PLD4: variants seen among roughly 807,000 people sequenced by gnomAD.
The protein encoded by PLD4 is 5'-3' exonuclease PLD4.
A neutral mutation model predicts 52.3 loss-of-function variants in PLD4; 54 were observed. That is an observed-to-expected ratio of 1.03 (90% CI 0.83 to 1.30). The LOEUF (loss-of-function observed/expected upper bound fraction) is 1.30. PLD4 is among the 50% of genes most tolerant of loss of function. The pLI, the probability that PLD4 is intolerant of heterozygous loss-of-function variation, is 0.00. For missense variants in PLD4, 731 were observed against 671.1 expected (o/e 1.09, Z -0.99); for synonymous variants, 264 against 286.5 (o/e 0.92, Z 0.79).
intron 2 of PLD4, 115 bp from the exon 3 acceptor site, chr14:104,927,558 C>G: frequency 8.3e-7 from 1 of 1,210,214 alleles, no homozygotes; most frequent in Non-Finnish European, 1.1e-6. Flanking sequence ...CCAGTGGCAG[C>G]CCAGGTCCGG....
intron 7 of PLD4, 128 bp downstream of exon 7, chr14:104,931,070 A>AC: frequency 9.4e-7 from 1 of 1,064,682 alleles, no homozygotes; most frequent in Non-Finnish European, 1.4e-6. Flanking sequence ...GGCAGCCAGC[A>AC]CCATGGGTGG....
In PLD4 at chr14:104,932,749, T is replaced by C. The variant is rs1159754708; in HGVS notation, c.1322-16T>C. The C allele has an allele frequency of 8.5e-6, 13 of 1,526,588 alleles. No individual in the cohort carries two copies. Among genetic ancestry groups the C allele is most frequent in the Non-Finnish European group, 1.1e-5 (13 of 1,133,094 alleles). The allele number at this position is 1,526,588 out of a possible 1,614,324, so 94.6% of individuals were successfully genotyped here. On this transcript the variant is annotated splice_polypyrimidine_tract_variant and intron_variant, in intron 10 of 10. Coordinates refer to ENST00000392593, the MANE Select transcript of PLD4 (RefSeq NM_138790.5). The surrounding 1 kb of genome is among the most constrained non-coding windows in gnomAD (Gnocchi z 6.5). ...TGGGAGCCGGCGCCCCAGTGTCTCCTCCATCCTCCCCGCAGGCACCTCCAA... is the reference window on the plus strand; with the variant it reads ...TGGGAGCCGGCGCCCCAGTGTCTCCCCCATCCTCCCCGCAGGCACCTCCAA...
chr14:104,932,408 G>A lies in PLD4; in HGVS notation c.1321+53G>A. On this transcript the variant is annotated intron_variant, in intron 10 of 10. Transcript: ENST00000392593. This position sits in a 1 kb window ranked among gnomAD's most constrained non-coding sequence, Gnocchi z 6.5. ...GGCCCCAGGGTGGCCAGGCACGGGC[G>A]AGGGAGGCACTGGCTTTGTGACCGG... The A allele has an allele frequency of 6.4e-7, 1 of 1,565,922 alleles. No individual in the cohort carries two copies. The highest frequency in any genetic ancestry group is 8.8e-7 in the Non-Finnish European group (1 of 1,139,734).
rs777797197 is a variant in PLD4 at position 104,932,984 on chromosome 14, C to T, written c.*20C>T. The T allele has an allele frequency of 6.5e-6, 10 of 1,538,086 alleles. No homozygotes were observed. In the East Asian group the frequency reaches 7.3e-5, roughly 11 times the overall value. ...GGCTGAGGGGGGCCTCTTTTTCTCT[C>T]GGCGACCCCGCCCCGCACGCGCCCT... On this transcript the variant is annotated 3_prime_UTR_variant, in exon 11 of 11. Transcript: ENST00000392593. This position sits in a 1 kb window ranked among gnomAD's most constrained non-coding sequence, Gnocchi z 6.5.
Position 104,929,642 on chromosome 14 carries a change from C to T in PLD4, c.589+215C>T, listed in dbSNP as rs146817176. On this transcript the variant is annotated intron_variant, in intron 5 of 10. Transcript: ENST00000392593. ...TCCACGGATCCAAAAGTGCCATTTTCCACAGGGCAGAGCACAGGTGGCCTC... is the reference window on the plus strand; with the variant it reads ...TCCACGGATCCAAAAGTGCCATTTTTCACAGGGCAGAGCACAGGTGGCCTC... Among the ~76,000 whole-genome samples the T allele has an allele frequency of 6.1e-3, 931 of 152,308 alleles. 11 individuals carry two copies. The highest frequency in any genetic ancestry group is 9.9e-3 in the Non-Finnish European group (671 of 68,028).
chr14:104,928,948 G>GT lies in PLD4; in HGVS notation c.468+16_468+17insT, dbSNP rs747248318. 6.3e-7 allele frequency: 1 copy of GT among 1,577,976 alleles called. No individual in the cohort carries two copies. Among genetic ancestry groups the GT allele is most frequent in the Non-Finnish European group, 8.7e-7 (1 of 1,154,910 alleles). Reference sequence around the variant, plus strand: ...TTCCCAGCTGGTGCGCCCCGCCCTGGCCCCACCGCATCCTGGTGCTGGAAA... The same window carrying GT: ...TTCCCAGCTGGTGCGCCCCGCCCTGGTCCCCACCGCATCCTGGTGCTGGAAA... On this transcript the variant is annotated intron_variant, in intron 4 of 10. Transcript: ENST00000392593.
Position 104,927,150 on chromosome 14 carries a change from C to A in PLD4, c.10C>A (p.Pro4Thr). MLKPLWKAAVAPTW... is the reference protein window; with the variant it reads MLKTLWKAAVAPTW... ...AGGCTGCCCTGTGCAGATGCTGAAG[C>A]CTCTTTGGAAAGCAGCAGTGGCCCC... Residue 4 changes from proline to threonine, a missense_variant, in exon 2 of 11, where the codon CCT (proline) becomes ACT (threonine). Pro to Thr is a conservative substitution (Grantham distance 38). Transcript: ENST00000392593. 2 of 1,557,148 alleles carry A rather than the reference C, an allele frequency of 1.3e-6. No individual in the cohort carries two copies.
At chr14:104,930,639 G>C in intron 6 of PLD4, 103 bp from the exon 7 acceptor site, 1 of 1,259,336 alleles carries the variant, frequency 7.9e-7, no homozygotes, top group South Asian at 1.3e-5. Flanking sequence ...GGACCAGTCG[G>C]GCAGGGACTG....
rs199615700 is a variant in PLD4, at chr14:104,932,926, G to T, written c.1483G>T (p.Gly495Ter). The T allele has an allele frequency of 5.4e-4, 860 of 1,600,326 alleles. 1 individual carries two copies. The highest frequency in any genetic ancestry group is 6.9e-4 in the Non-Finnish European group (812 of 1,174,802). ...TTCGCGCTACGCCGTCGGCCTGGAC[G>T]GACAGGCTCCGGGCCAGGACTGCGT... ...WSSRYAVGLD[G>*]QAPGQDCVWQ... The change falls in exon 11 of 11, where the codon GGA (glycine) becomes TGA (stop). Residue 495 changes from glycine (G) to a stop codon, truncating the protein, a stop_gained. Transcript: ENST00000392593. LOFTEE classifies it high-confidence loss of function. This position sits in a 1 kb window ranked among gnomAD's most constrained non-coding sequence, Gnocchi z 6.5.
At chr14:104,928,545 C>A (rs1323908777) in intron 3 of PLD4, among the ~76,000 whole-genome samples, 1 of 152,210 alleles carries the variant, frequency 6.6e-6, no homozygotes, top group Non-Finnish European at 1.5e-5. Context: ...ACCACCCCAG[C>A]AGCATGCTGG....
Position 104,932,950 on chromosome 14 carries a change from G to A in PLD4, c.1507G>A (p.Val503Ile). 1 of 1,590,550 alleles carries A rather than the reference G, an allele frequency of 6.3e-7. No individual in the cohort carries two copies. The highest frequency in any genetic ancestry group is 8.5e-7 in the Non-Finnish European group (1 of 1,170,416). ...CGGACAGGCTCCGGGCCAGGACTGC[G>A]TTTGGCAGGGCTGAGGGGGGCCTCT... The part of the protein sequence containing the change: ...LDGQAPGQDC[V>I]WQG Residue 503 changes from valine to isoleucine, a missense_variant, in exon 11 of 11, where the codon GTT (valine) becomes ATT (isoleucine). Transcript: ENST00000392593. The surrounding 1 kb of genome is among the most constrained non-coding windows in gnomAD (Gnocchi z 6.5).
rs1027443931 is a variant in PLD4 at position 104,931,038 on chromosome 14, A to G, written c.918+96A>G. ...CCTCTGGGCTGGCCCTGCAGACACC[A>G]GCAGCATCAGCTGGGTCCTCAGGCA... On this transcript the variant is annotated intron_variant, in intron 7 of 10. Coordinates refer to ENST00000392593, the MANE Select transcript of PLD4 (RefSeq NM_138790.5). 7.2e-6 allele frequency: 10 copies of G among 1,389,224 alleles called. No individual in the cohort carries two copies. In the African/African-American group the frequency reaches 1.0e-4, roughly 14 times the overall value. The allele number at this position is 1,389,224 out of a possible 1,614,324, so 86.1% of individuals were successfully genotyped here.
Position 104,926,287 on chromosome 14 carries a change from C to A in PLD4, c.1-854C>A, listed in dbSNP as rs1031556909. ...GCCAGGTGACCATGCTGGGCACAGA[C>A]CCCTCCCTGCACCCGGGGAGGGCGC... On this transcript the variant is annotated intron_variant, in intron 1 of 10. Transcript: ENST00000392593. Among the ~76,000 whole-genome samples the A allele has an allele frequency of 7.9e-5, 12 of 152,338 alleles. No homozygotes were observed. The East Asian group carries it at 1.5e-3, about 20-fold the overall frequency.
Position 104,932,431 on chromosome 14 carries a change from C to G in PLD4, c.1321+76C>G, listed in dbSNP as rs1897687258. On this transcript the variant is annotated intron_variant, in intron 10 of 10. Transcript: ENST00000392593. This position sits in a 1 kb window ranked among gnomAD's most constrained non-coding sequence, Gnocchi z 6.5. Reference sequence around the variant, plus strand: ...GCGAGGGAGGCACTGGCTTTGTGACCGGCGTGGACACCTCAGGAGGGAGGG... The same window carrying G: ...GCGAGGGAGGCACTGGCTTTGTGACGGGCGTGGACACCTCAGGAGGGAGGG... 1.2e-5 allele frequency: 18 copies of G among 1,490,572 alleles called. 1 individual carries two copies. The highest frequency in any genetic ancestry group is 1.7e-5 in the Admixed American group (1 of 58,572). 92.3% of individuals were successfully genotyped at this position (1,490,572 alleles called of 1,614,324 possible).
intron 3 of PLD4, among the ~76,000 whole-genome samples, chr14:104,928,085 TG>T (rs1254814595): frequency 6.6e-6 from 1 of 152,036 alleles, no homozygotes; most frequent in Non-Finnish European, 1.5e-5. Context: ...GGCTGCCACC[TG>T]GGGGCTCTGA....
chr14:104,930,697 A>G (rs750786730), intron 6 of PLD4, 45 bp from the exon 7 acceptor site: 1 of 1,604,246 alleles, frequency 6.2e-7, no homozygotes, highest in African/African-American at 1.3e-5. Context: ...TGGAGGCCCC[A>G]CAGAGGGGTT....
chr14:104,931,747 GGC>G lies in PLD4; in HGVS notation c.920_921del (p.Ala307ValfsTer175). On this transcript the variant is annotated frameshift_variant and splice_region_variant, in exon 8 of 11. Transcript: ENST00000392593. LOFTEE classifies it high-confidence loss of function. The stretch of plus-strand genomic sequence containing the variant: ...CTTCAGGGATTTCTCTCCCGTCACA[GGC>G]GTCGCCACCAGCACTCTGTCCCCAG... The part of the protein sequence containing the change: ...DGVPTTAYFS[A>X]SPPALCPQGR... 6.3e-7 allele frequency: 1 copy of G among 1,585,184 alleles called. No individual in the cohort carries two copies. Among genetic ancestry groups the G allele is most frequent in the South Asian group, 1.1e-5 (1 of 87,004 alleles).
rs577826956 is a variant in PLD4 at position 104,930,077 on chromosome 14, C to G, written c.689C>G (p.Ala230Gly). Residue 230 changes from alanine to glycine, a missense_variant, in exon 6 of 11, where the codon GCC (alanine) becomes GGC (glycine). Transcript: ENST00000392593. ...GGACGGCACATATACATGGGCAGTG[C>G]CAACATGGACTGGCGGTCTCTGACG... ...VDGRHIYMGS[A>G]NMDWRSLTQV... The G allele has an allele frequency of 6.2e-7, 1 of 1,613,542 alleles. No individual in the cohort carries two copies. Among genetic ancestry groups the G allele is most frequent in the South Asian group, 1.1e-5 (1 of 91,088 alleles).
At position 104,932,623 on chromosome 14, in the gene PLD4, G is replaced by A. The variant is rs1897694242; in HGVS notation, c.1322-142G>A. ...CTGTCCCTCCCGCACCTAAGCGAGG[G>A]GCTTCCCCGGCTGGAGTCTGATGAC... On this transcript the variant is annotated intron_variant, in intron 10 of 10. Coordinates refer to ENST00000392593, the MANE Select transcript of PLD4 (RefSeq NM_138790.5). This position sits in a 1 kb window ranked among gnomAD's most constrained non-coding sequence, Gnocchi z 6.5. 3.2e-6 allele frequency: 3 copies of A among 927,730 alleles called. No homozygotes were observed. The highest frequency in any genetic ancestry group is 4.8e-6 in the Non-Finnish European group (3 of 625,728). The allele number at this position is 927,730 out of a possible 1,614,324, so 57.5% of individuals were successfully genotyped here.
Sources: gnomAD v4.1 joint callset for allele counts (sites outside exome capture counted in the v4.1 genomes callset) on GRCh38, gnomAD v4.1.1 for gene constraint, Gnocchi (gnomAD v3.1) non-coding constraint, MANE v1.5 for transcripts, NCBI Gene and HGNC (gene_info 2026-07-23, HGNC 2026-07-21) for gene names.